RANBP2: variants seen among roughly 807,000 people sequenced by gnomAD.
RANBP2 encodes the protein RAN binding protein 2, also known as E3 SUMO-protein ligase RanBP2.
Under a neutral mutation model 303.6 loss-of-function variants are expected in RANBP2, and 57 were observed. The observed-to-expected ratio is 0.19, with a 90% CI of 0.15 to 0.23. The LOEUF (loss-of-function observed/expected upper bound fraction) is 0.23. RANBP2 is among the 10% of genes least tolerant of loss of function. The probability of loss-of-function intolerance (pLI) is 1.00; values close to 1 mark genes in which losing one functional copy is unlikely to be tolerated. For missense variants in RANBP2, 3,138 were observed against 3,780.8 expected (o/e 0.83, Z 4.46); for synonymous variants, 1,167 against 1,301.5 (o/e 0.90, Z 2.23).
At chr2:109,220,056 TTA>T in the RANBP2 span, among the ~76,000 whole-genome samples, 1 of 152,242 alleles carries the variant, frequency 6.6e-6, no homozygotes, top group East Asian at 1.9e-4. Context: ...CAAAACTATG[TTA>T]TTAGCATAAG....
the RANBP2 span, among the ~76,000 whole-genome samples, chr2:109,033,933 C>T: frequency 1.1e-4 from 15 of 137,816 alleles, no homozygotes; most frequent in Non-Finnish European, 1.7e-4. Flanking sequence ...TTCAGCCTGG[C>T]GACAGAGGGA....
At chr2:109,251,554 T>C in the RANBP2 span, 1 of 776,700 alleles carries the variant, frequency 1.3e-6, no homozygotes, top group Non-Finnish European at 2.4e-6. Context: ...GATAGATGAA[T>C]GTGTGGAGAT....
chr2:108,897,340 A>AATT, the RANBP2 span: 19 of 1,115,694 alleles, frequency 1.7e-5, no homozygotes, highest in Middle Eastern at 2.8e-4. Flanking sequence ...ATTTTTTTAA[A>AATT]ATTATAAAAC....
chr2:109,715,028 A>T, the RANBP2 span, among the ~76,000 whole-genome samples: 1 of 151,700 alleles, frequency 6.6e-6, no homozygotes, highest in African/African-American at 2.4e-5. Context: ...GGAGTGCAAT[A>T]GTGTGATCGG....
chr2:109,428,999 C>T, the RANBP2 span, among the ~76,000 whole-genome samples: 1 of 152,218 alleles, frequency 6.6e-6, no homozygotes, highest in Non-Finnish European at 1.5e-5. Context: ...CCAGGAGACT[C>T]TGAACTGGCA....
chr2:109,029,542 C>A, the RANBP2 span, among the ~76,000 whole-genome samples: 1 of 152,192 alleles, frequency 6.6e-6, no homozygotes, highest in East Asian at 1.9e-4. Context: ...CTGGTCCTCT[C>A]AATGAGGGGA....
At chr2:109,112,776 T>G in the RANBP2 span, among the ~76,000 whole-genome samples, 19 of 152,364 alleles carry the variant, frequency 1.2e-4, no homozygotes, top group East Asian at 3.7e-3. Context: ...GGTCTAATAT[T>G]TAAGTCTTTA....
At chr2:109,239,251 G>T in the RANBP2 span, among the ~76,000 whole-genome samples, 2 of 152,064 alleles carry the variant, frequency 1.3e-5, no homozygotes, top group African/African-American at 4.8e-5. Context: ...CAGCTCACCT[G>T]GGTTTCTCAC....
chr2:109,204,608 C>T, the RANBP2 span, among the ~76,000 whole-genome samples: 4 of 152,212 alleles, frequency 2.6e-5, no homozygotes, highest in African/African-American at 4.8e-5. Flanking sequence ...GTGCCGGCAG[C>T]GCCACCTACT....
At chr2:109,495,866 T>C in the RANBP2 span, among the ~76,000 whole-genome samples, 1 of 152,326 alleles carries the variant, frequency 6.6e-6, no homozygotes, top group African/African-American at 2.4e-5. Context: ...GGTATAATAC[T>C]TGTAAATCAC....
the RANBP2 span, among the ~76,000 whole-genome samples, chr2:109,679,455 C>T: frequency 6.6e-6 from 1 of 152,198 alleles, no homozygotes; most frequent in South Asian, 2.1e-4. Context: ...ATGGCATTGT[C>T]TATGAAAGTT....
chr2:109,602,710 T>C, the RANBP2 span, among the ~76,000 whole-genome samples: 48 of 145,740 alleles, frequency 3.3e-4, no homozygotes, highest in Middle Eastern at 3.7e-3. Context: ...GATTACTAGA[T>C]GGCTCGAATT....
At chr2:108,871,753 A>T in the RANBP2 span, among the ~76,000 whole-genome samples, 5 of 152,166 alleles carry the variant, frequency 3.3e-5, no homozygotes, top group Admixed American at 1.3e-4. Flanking sequence ...ACATACTGCT[A>T]ATGTATTGCA....
At chr2:109,523,006 G>T in the RANBP2 span, among the ~76,000 whole-genome samples, 1 of 152,144 alleles carries the variant, frequency 6.6e-6, no homozygotes, top group Non-Finnish European at 1.5e-5. Flanking sequence ...GTGAGTCCGT[G>T]TCAGGCACTG....
chr2:108,879,986 G>C, the RANBP2 span, among the ~76,000 whole-genome samples: 1 of 152,180 alleles, frequency 6.6e-6, no homozygotes, highest in Non-Finnish European at 1.5e-5. Flanking sequence ...AACTAAAAAT[G>C]TTAAGAGAAC....
chr2:109,257,013 G>A, the RANBP2 span, among the ~76,000 whole-genome samples: 1 of 152,190 alleles, frequency 6.6e-6, no homozygotes, highest in Non-Finnish European at 1.5e-5. Context: ...GACCAGGCAC[G>A]GGTCACATTG....
chr2:109,641,418 A>G, the RANBP2 span, among the ~76,000 whole-genome samples: 7 of 152,244 alleles, frequency 4.6e-5, no homozygotes, highest in Admixed American at 2.0e-4. Flanking sequence ...AGCCTAAAAA[A>G]GAAGGAAATC....
the RANBP2 span, among the ~76,000 whole-genome samples, chr2:109,238,805 C>A: frequency 3.3e-5 from 5 of 152,096 alleles, no homozygotes; most frequent in African/African-American, 1.2e-4. Context: ...TGATGAAACC[C>A]GGCGAGGTGT....
chr2:109,659,191 A>G, the RANBP2 span, among the ~76,000 whole-genome samples: 1 of 152,162 alleles, frequency 6.6e-6, no homozygotes, highest in African/African-American at 2.4e-5. Flanking sequence ...AGCATGGCCA[A>G]CACGGCGAAA....
Sources: allele counts gnomAD v4.1 joint callset (sites outside exome capture counted in the v4.1 genomes callset), GRCh38; gene constraint gnomAD v4.1.1; transcripts MANE v1.5; gene names NCBI Gene and HGNC (gene_info 2026-07-23, HGNC 2026-07-21).